FMO2: variants seen among roughly 807,000 people sequenced by gnomAD.
FMO2 encodes flavin containing dimethylaniline monoxygenase 2.
Under a neutral mutation model 41.6 loss-of-function variants are expected in FMO2, and 33 were observed. That is an observed-to-expected ratio of 0.79 (90% CI 0.60 to 1.06). The LOEUF is 1.06. Ranked by LOEUF, FMO2 falls within the 50% of genes least tolerant of loss-of-function variation. The pLI, the probability that FMO2 is intolerant of heterozygous loss-of-function variation, is 0.00. For synonymous variants in FMO2, 214 were observed against 219.6 expected (o/e 0.97, Z 0.23); for missense variants, 619 against 632.9 (o/e 0.98, Z 0.23).
At chr1:171,199,511 T>C in intron 5 of FMO2, 23 bp downstream of exon 5, 1 of 1,579,368 alleles carries the variant, frequency 6.3e-7, no homozygotes, top group South Asian at 1.2e-5. Context: ...CTGCTTACCA[T>C]GTACCTGGAG....
chr1:171,196,266 G>A (rs2101992558), intron 3 of FMO2, among the ~76,000 whole-genome samples: 1 of 152,318 alleles, frequency 6.6e-6, no homozygotes, highest in Middle Eastern at 3.4e-3. Flanking sequence ...CAAGGGTGAT[G>A]CCAGTCTGAG....
intron 2 of FMO2, 188 bp downstream of exon 2, chr1:171,186,033 A>G (rs1571266030): frequency 5.9e-6 from 3 of 508,522 alleles, no homozygotes; most frequent in South Asian, 4.0e-5. Flanking sequence ...TACTAACCCA[A>G]CCCAGGTAGC....
chr1:171,193,988 C>T (rs1220822511), intron 3 of FMO2, among the ~76,000 whole-genome samples: 2 of 152,086 alleles, frequency 1.3e-5, no homozygotes, highest in Non-Finnish European at 2.9e-5. Context: ...CCATTTGGGC[C>T]AGGCTGGTCT....
chr1:171,202,425 A>G (rs973966215), intron 5 of FMO2, among the ~76,000 whole-genome samples: 1 of 152,174 alleles, frequency 6.6e-6, no homozygotes, highest in Admixed American at 6.5e-5. Flanking sequence ...CTAGGAATGT[A>G]AGGCCCATCC....
intron 2 of FMO2, chr1:171,188,881 G>T (rs934330018): frequency 6.6e-6 from 1 of 152,130 alleles, no homozygotes; most frequent in Non-Finnish European, 1.5e-5. Context: ...GGACGGGTAG[G>T]TAATTAGCAT....
rs1418767980 is a variant in FMO2 at position 171,211,849 on chromosome 1, A to C, written c.*2704A>C. ...CTGAATATAAACATAGTAATAATTC[A>C]ACCTACTGAATGGAAATCTCTGCTG... is the stretch of plus-strand genomic sequence containing the variant. On this transcript the variant is annotated 3_prime_UTR_variant, in exon 9 of 9. Coordinates refer to ENST00000209929, the MANE Select transcript of FMO2 (RefSeq NM_001460.5). Among the ~76,000 whole-genome samples the C allele has an allele frequency of 6.6e-6, 1 of 152,220 alleles. No individual in the cohort carries two copies.
intron 5 of FMO2, among the ~76,000 whole-genome samples, chr1:171,199,866 C>T (rs1211080807): frequency 6.6e-6 from 1 of 152,126 alleles, no homozygotes; most frequent in East Asian, 1.9e-4. Flanking sequence ...AGGCACATGC[C>T]ACACCACACT....
chr1:171,203,991 G>GT lies in FMO2; in HGVS notation c.755dup (p.Trp254MetfsTer14). On this transcript the variant is annotated frameshift_variant, in exon 6 of 9. Coordinates refer to ENST00000209929, the MANE Select transcript of FMO2 (RefSeq NM_001460.5). LOFTEE classifies it high-confidence loss of function. ...CCGCAATGTACTGCCACGAACAGCTGTAAAATGGATGATAGAACAACAGAT... is the reference window on the plus strand; with the variant it reads ...CCGCAATGTACTGCCACGAACAGCTGTTAAAATGGATGATAGAACAACAGAT... The GT allele has an allele frequency of 6.2e-7, 1 of 1,613,756 alleles. No homozygotes were observed. The highest frequency in any genetic ancestry group is 8.5e-7 in the Non-Finnish European group (1 of 1,179,754).
At chr1:171,207,928 CGTGT>C in intron 8 of FMO2, 138 bp downstream of exon 8, 3 of 620,924 alleles carry the variant, frequency 4.8e-6, no homozygotes, top group East Asian at 5.6e-5. Flanking sequence ...TCAGAAACTC[CGTGT>C]GTGAGGCTAA....
chr1:171,209,196 G>GAA lies in FMO2; in HGVS notation c.*61_*62dup. On this transcript the variant is annotated 3_prime_UTR_variant, in exon 9 of 9. Coordinates refer to ENST00000209929, the MANE Select transcript of FMO2 (RefSeq NM_001460.5). ...ATCTTGTCAGTCACTACCTCCTAAAGAAAAAAAAAAAGGCTAGAAGAAAAA... is the reference window on the plus strand; with the variant it reads ...ATCTTGTCAGTCACTACCTCCTAAAGAAAAAAAAAAAAAGGCTAGAAGAAAAA... 2.2e-5 allele frequency: 7 copies of GAA among 313,316 alleles called. No individual in the cohort carries two copies. Among genetic ancestry groups the GAA allele is most frequent in the Admixed American group, 5.3e-5 (1 of 18,962 alleles). The allele number at this position is 313,316 out of a possible 1,614,324, so 19.4% of individuals were successfully genotyped here.
Position 171,193,328 on chromosome 1 carries a change from C to A in FMO2, c.133-7C>A. On this transcript the variant is annotated splice_region_variant and splice_polypyrimidine_tract_variant and intron_variant, in intron 2 of 8. Transcript: ENST00000209929. Reference sequence around the variant, plus strand: ...ATTATCACTAATTATTTTATTTGATCCTTCAGGAGAATGTGGAAGATGGCC... The same window carrying A: ...ATTATCACTAATTATTTTATTTGATACTTCAGGAGAATGTGGAAGATGGCC... The A allele has an allele frequency of 6.4e-7, 1 of 1,570,554 alleles. No individual in the cohort carries two copies. The highest frequency in any genetic ancestry group is 8.6e-7 in the Non-Finnish European group (1 of 1,160,614).
At chr1:171,196,497 C>G (rs1658316460) in intron 3 of FMO2, 152 bp from the exon 4 acceptor site, 2 of 534,006 alleles carry the variant, frequency 3.7e-6, no homozygotes, top group Admixed American at 3.7e-5. Context: ...TTTCTTTTCT[C>G]TCTCAAGTCC....
At chr1:171,196,275 A>C (rs577733161) in intron 3 of FMO2, among the ~76,000 whole-genome samples, 1 of 152,314 alleles carries the variant, frequency 6.6e-6, no homozygotes, top group African/African-American at 2.4e-5. Context: ...TGCCAGTCTG[A>C]GATTGGACAG....
chr1:171,198,378 C>G (rs1007217314), intron 4 of FMO2, among the ~76,000 whole-genome samples: 3 of 150,934 alleles, frequency 2.0e-5, no homozygotes, highest in African/African-American at 7.3e-5. Context: ...TCATAATGTG[C>G]TTAAGAAATA....
rs1279737675 is a variant in FMO2, at chr1:171,205,280, T to C, written c.829T>C (p.Tyr277His). The change falls in exon 7 of 9, where the codon TAC becomes CAC. Residue 277 changes from tyrosine to histidine, a missense_variant and splice_region_variant. Transcript: ENST00000209929. Reference sequence around the variant, plus strand: ...ATGTTTTTCTTCTGTATGTCTCAGATACATTATGAAGGAACCTGTACTAAA... The same window carrying C: ...ATGTTTTTCTTCTGTATGTCTCAGACACATTATGAAGGAACCTGTACTAAA... ...ENYGLEPQNK[Y>H]IMKEPVLNDD... The C allele has an allele frequency of 1.9e-6, 3 of 1,578,766 alleles. No individual in the cohort carries two copies. Among genetic ancestry groups the C allele is most frequent in the Non-Finnish European group, 2.6e-6 (3 of 1,151,630 alleles).
In FMO2 at chr1:171,211,214, A is replaced by G. The variant is rs1658967493; in HGVS notation, c.*2069A>G. The stretch of plus-strand genomic sequence containing the variant: ...TAGCTCACTATCTGTTTTTGTAAAT[A>G]AAATTTTATAATAGTACACAGCCAC... On this transcript the variant is annotated 3_prime_UTR_variant, in exon 9 of 9. Transcript: ENST00000209929. 6.6e-6 allele frequency: 1 copy of G among 152,228 alleles called. No homozygotes were observed. Among genetic ancestry groups the G allele is most frequent in the South Asian group, 2.1e-4 (1 of 4,834 alleles). 9.4% of individuals were successfully genotyped at this position (152,228 alleles called of 1,614,324 possible). A position where few individuals can be genotyped will look rare whatever the true frequency, so the allele number is the denominator to read the frequency against.
intron 2 of FMO2, among the ~76,000 whole-genome samples, chr1:171,192,594 C>G (rs907036109): frequency 2.6e-5 from 4 of 151,240 alleles, no homozygotes; most frequent in Admixed American, 2.6e-4. Context: ...ACCATCTCTA[C>G]TAAAAAATAC....
intron 3 of FMO2, among the ~76,000 whole-genome samples, chr1:171,195,897 C>T (rs1658290015): frequency 6.6e-6 from 1 of 152,158 alleles, no homozygotes; most frequent in South Asian, 2.1e-4. Context: ...ATGTTAAAAA[C>T]TATCATTCAG....
chr1:171,205,200 C>T lies in FMO2; in HGVS notation c.828-79C>T, dbSNP rs539368902. 33 of 827,102 alleles carry T rather than the reference C, an allele frequency of 4.0e-5. No homozygotes were observed. The South Asian group carries it at 5.2e-4, about 13-fold the overall frequency. 51.2% of individuals were successfully genotyped at this position (827,102 alleles called of 1,614,324 possible). On this transcript the variant is annotated intron_variant, in intron 6 of 8. Coordinates refer to ENST00000209929, the MANE Select transcript of FMO2 (RefSeq NM_001460.5). ...TGAAAAGCCCTTTTATTTTCAGAGC[C>T]GTACCCCAAAAATATCAAGAGGGTT...
Sources: gnomAD v4.1 joint callset for allele counts (sites outside exome capture counted in the v4.1 genomes callset) on GRCh38, gnomAD v4.1.1 for gene constraint, MANE v1.5 for transcripts, NCBI Gene and HGNC (gene_info 2026-07-23, HGNC 2026-07-21) for gene names.